The following SMYD3 variants were observed in gnomAD, a reference collection of about 807,000 sequenced individuals.
The protein encoded by SMYD3 is histone-lysine N-methyltransferase SMYD3.
A neutral mutation model predicts 57.7 loss-of-function variants in SMYD3; 36 were observed. That is an observed-to-expected ratio of 0.62 (90% CI 0.48 to 0.82). SMYD3 has a LOEUF of 0.82. SMYD3 is among the 40% of genes least tolerant of loss of function. The pLI is 0.00. For synonymous variants in SMYD3, 211 were observed against 195.0 expected (o/e 1.08, Z -0.68); for missense variants, 515 against 538.8 (o/e 0.96, Z 0.44).
rs554760724 is a variant in SMYD3 at position 245,882,869 on chromosome 1, A to T, written c.814-18983T>A. Among the ~76,000 whole-genome samples the T allele has an allele frequency of 6.2e-4, 95 of 152,368 alleles. 2 individuals carry two copies. Among genetic ancestry groups the T allele is most frequent in the African/African-American group, 2.3e-3 (94 of 41,590 alleles). On this transcript the variant is annotated intron_variant, in intron 8 of 11. Coordinates refer to ENST00000490107, the MANE Select transcript of SMYD3 (RefSeq NM_001167740.2). ...AGTAGTAATTTTCCTGGGTAGAAAT[A>T]ATTGAGATGAGCTTATGGTAGCATG...
intron 1 of SMYD3, among the ~76,000 whole-genome samples, chr1:246,489,278 G>A (rs532086425): frequency 4.8e-4 from 73 of 152,194 alleles, no homozygotes; most frequent in Non-Finnish European, 5.0e-4. Flanking sequence ...CCCGGGAGGC[G>A]GAGGCTGAGG....
intron 5 of SMYD3, among the ~76,000 whole-genome samples, chr1:246,187,742 T>C (rs947865348): frequency 1.3e-5 from 2 of 152,206 alleles, no homozygotes; most frequent in African/African-American, 2.4e-5. Context: ...ATTGTTTGAA[T>C]AGAAAACTAT....
At chr1:246,221,820 G>GC (rs2063259808) in intron 5 of SMYD3, among the ~76,000 whole-genome samples, 1 of 152,140 alleles carries the variant, frequency 6.6e-6, no homozygotes, top group South Asian at 2.1e-4. Context: ...CATGAGCTGA[G>GC]CGCAGCCTGC....
intron 10 of SMYD3, among the ~76,000 whole-genome samples, chr1:245,790,667 T>C (rs939050584): frequency 3.3e-5 from 5 of 152,232 alleles, no homozygotes; most frequent in Admixed American, 2.6e-4. Context: ...CTGCCACAGA[T>C]AAGCCACAAT....
intron 10 of SMYD3, among the ~76,000 whole-genome samples, chr1:245,830,082 G>C (rs1355640140): frequency 6.6e-6 from 1 of 152,120 alleles, no homozygotes; most frequent in Non-Finnish European, 1.5e-5. Flanking sequence ...CCACTGAGTA[G>C]TACACTTTAA....
chr1:246,243,134 A>G (rs910034507), intron 5 of SMYD3, among the ~76,000 whole-genome samples: 14 of 152,254 alleles, frequency 9.2e-5, no homozygotes, highest in African/African-American at 2.4e-4. Context: ...CTGCACCCCA[A>G]ATCAACAGAA....
chr1:246,233,986 C>T (rs2063469820), intron 5 of SMYD3, among the ~76,000 whole-genome samples: 1 of 140,452 alleles, frequency 7.1e-6, no homozygotes, highest in African/African-American at 2.6e-5. Context: ...CTTCAATTCA[C>T]ACTGTGATGA....
intron 5 of SMYD3, among the ~76,000 whole-genome samples, chr1:246,088,526 C>T (rs1341921748): frequency 5.2e-5 from 7 of 133,450 alleles, no homozygotes; most frequent in Non-Finnish European, 7.5e-5. Flanking sequence ...AGGAGAATGG[C>T]GTGAACCCAG....
chr1:246,157,045 C>T (rs572028284), intron 5 of SMYD3, among the ~76,000 whole-genome samples: 5 of 152,352 alleles, frequency 3.3e-5, no homozygotes, highest in Admixed American at 3.3e-4. Flanking sequence ...CTTAAACCTT[C>T]GCCTCACATC....
At chr1:245,903,412 AG>A (rs1196004652) in intron 8 of SMYD3, among the ~76,000 whole-genome samples, 11 of 152,246 alleles carry the variant, frequency 7.2e-5, no homozygotes, top group African/African-American at 2.4e-4. Context: ...CAGAGAAAAC[AG>A]GCAGAGCAAG....
chr1:245,976,929 A>G lies in SMYD3; in HGVS notation c.532-46992T>C, dbSNP rs371705053. On this transcript the variant is annotated intron_variant, in intron 5 of 11. Coordinates refer to ENST00000490107, the MANE Select transcript of SMYD3 (RefSeq NM_001167740.2). ...TAGCCTAGGGAAAGCCATCGTCTCT[A>G]GCCTAGGGAAAGCCATCGTCTCTAG... is the stretch of plus-strand genomic sequence containing the variant. 4.7e-3 allele frequency among the ~76,000 whole-genome samples: 160 copies of G among 34,292 alleles called. 1 individual carries two copies. Among genetic ancestry groups the G allele is most frequent in the East Asian group, 0.014 (9 of 646 alleles). The allele number at this position is 34,292 out of a possible 152,430, so 22.5% of individuals were successfully genotyped here. A position where few individuals can be genotyped will look rare whatever the true frequency, so the allele number is the denominator to read the frequency against.
chr1:246,419,481 G>A (rs923991918), intron 1 of SMYD3, among the ~76,000 whole-genome samples: 5 of 152,180 alleles, frequency 3.3e-5, no homozygotes, highest in Non-Finnish European at 7.3e-5. Context: ...CAGGATGGGG[G>A]CGTGGTAGAC....
chr1:246,131,487 C>T (rs1418607611), intron 5 of SMYD3, among the ~76,000 whole-genome samples: 2 of 152,176 alleles, frequency 1.3e-5, no homozygotes, highest in Non-Finnish European at 2.9e-5. Context: ...CTGACCATGC[C>T]TGCTCTACCA....
At chr1:246,285,479 C>T (rs1009908244) in intron 5 of SMYD3, among the ~76,000 whole-genome samples, 2 of 151,708 alleles carry the variant, frequency 1.3e-5, no homozygotes, top group African/African-American at 2.4e-5. Flanking sequence ...TCACCTTATA[C>T]AAAAATCAAC....
Position 245,764,078 on chromosome 1 carries a change from T to C in SMYD3, c.1148A>G (p.Gln383Arg). The change falls in exon 11 of 12, where the codon CAA (glutamine) becomes CGA (arginine). Residue 383 changes from glutamine to arginine, a missense_variant. Coordinates refer to ENST00000490107, the MANE Select transcript of SMYD3 (RefSeq NM_001167740.2). ...VMKVGKLQLHQGMFPQAMKNL... is the reference protein window; with the variant it reads ...VMKVGKLQLHRGMFPQAMKNL... ...CTTCATTGCTTGGGGAAACATGCCT[T>C]GATGTAGCTGCAGTTTGCCAACTTT... 6.2e-7 allele frequency: 1 copy of C among 1,614,114 alleles called. No homozygotes were observed. The highest frequency in any genetic ancestry group is 8.5e-7 in the Non-Finnish European group (1 of 1,179,998).
At chr1:246,010,685 G>C (rs2059265481) in intron 5 of SMYD3, among the ~76,000 whole-genome samples, 1 of 152,132 alleles carries the variant, frequency 6.6e-6, no homozygotes, top group South Asian at 2.1e-4. Flanking sequence ...ATATTTCTTG[G>C]ATTAAAAGGC....
At chr1:246,251,458 C>T (rs1383192888) in intron 5 of SMYD3, among the ~76,000 whole-genome samples, 1 of 149,158 alleles carries the variant, frequency 6.7e-6, no homozygotes, top group African/African-American at 2.5e-5. Context: ...GGACACTGTG[C>T]CCGGCTTTAG....
chr1:246,288,240 ATTG>A (rs1421218757), intron 5 of SMYD3, among the ~76,000 whole-genome samples: 2 of 151,628 alleles, frequency 1.3e-5, no homozygotes, highest in Admixed American at 6.6e-5. Flanking sequence ...CGCCTGGCTA[ATTG>A]TTGTATTTTC....
intron 8 of SMYD3, among the ~76,000 whole-genome samples, chr1:245,908,644 G>A (rs1174682394): frequency 2.6e-5 from 4 of 152,148 alleles, no homozygotes; most frequent in African/African-American, 7.2e-5. Context: ...TTTTCAGACT[G>A]CAATGAAATA....
Sources: gnomAD v4.1 joint callset for allele counts (sites outside exome capture counted in the v4.1 genomes callset) on GRCh38, gnomAD v4.1.1 for gene constraint, MANE v1.5 for transcripts, NCBI Gene and HGNC (gene_info 2026-07-23, HGNC 2026-07-21) for gene names.